Variants in MGMT observed in about 807,000 individuals in gnomAD.
MGMT encodes O-6-methylguanine-DNA methyltransferase.
MGMT carries 14 observed loss-of-function variants against 15.9 expected under a neutral mutation model. The ratio of observed to expected loss-of-function variants is 0.88; its 90% CI spans 0.58 to 1.37. MGMT has a LOEUF of 1.37. Ranked by LOEUF, MGMT falls within the 40% of genes most tolerant of loss-of-function variation. MGMT has a pLI of 0.00. For synonymous variants in MGMT, 130 were observed against 118.2 expected (o/e 1.10, Z -0.65); for missense variants, 282 against 268.1 (o/e 1.05, Z -0.36).
chr10:129,469,527 G>C (rs1845206708), intron 1 of MGMT, among the ~76,000 whole-genome samples: 1 of 152,044 alleles, frequency 6.6e-6, no homozygotes. Flanking sequence ...TGAGATTTTT[G>C]ACTTCCGTTT....
At chr10:129,591,736 C>T (rs1241913926) in intron 2 of MGMT, among the ~76,000 whole-genome samples, 1 of 152,142 alleles carries the variant, frequency 6.6e-6, no homozygotes, top group African/African-American at 2.4e-5. Flanking sequence ...TCGAGACCAG[C>T]CTGGCCAACA....
intron 2 of MGMT, among the ~76,000 whole-genome samples, chr10:129,554,260 A>T (rs779341265): frequency 2.0e-5 from 3 of 152,236 alleles, no homozygotes; most frequent in Non-Finnish European, 4.4e-5. Context: ...TTTAGCAAAT[A>T]CAGAAAGTAC....
chr10:129,553,218 A>G (rs973809475), intron 2 of MGMT, among the ~76,000 whole-genome samples: 4 of 152,162 alleles, frequency 2.6e-5, no homozygotes, highest in Non-Finnish European at 5.9e-5. Flanking sequence ...TCTTTGGGAG[A>G]CTAGTATAAT....
intron 1 of MGMT, among the ~76,000 whole-genome samples, chr10:129,522,653 A>G (rs945864843): frequency 1.3e-5 from 2 of 152,224 alleles, no homozygotes; most frequent in Admixed American, 1.3e-4. Flanking sequence ...TGTATTAACC[A>G]TGGCTTTCTT....
chr10:129,648,226 C>T (rs2133095510), intron 2 of MGMT, among the ~76,000 whole-genome samples: 1 of 152,224 alleles, frequency 6.6e-6, no homozygotes, highest in South Asian at 2.1e-4. Context: ...CCGCGAACTC[C>T]AGTCTGTAGA....
chr10:129,682,670 A>G lies in MGMT; in HGVS notation c.126-25225A>G, dbSNP rs534774665. 3.3e-3 allele frequency among the ~76,000 whole-genome samples: 497 copies of G among 152,340 alleles called. 2 individuals carry two copies. The highest frequency in any genetic ancestry group is 0.011 in the African/African-American group (465 of 41,578). Reference sequence around the variant, plus strand: ...TGTTTGTAAAAACTGGTGACATCAAATAAGATAGGTAGTTTAGTTAGATGT... The same window carrying G: ...TGTTTGTAAAAACTGGTGACATCAAGTAAGATAGGTAGTTTAGTTAGATGT... On this transcript the variant is annotated intron_variant, in intron 2 of 4. Coordinates refer to ENST00000651593, the MANE Select transcript of MGMT (RefSeq NM_002412.5).
intron 2 of MGMT, among the ~76,000 whole-genome samples, chr10:129,654,218 G>A (rs1353499029): frequency 6.6e-6 from 1 of 152,154 alleles, no homozygotes; most frequent in African/African-American, 2.4e-5. Context: ...CGAGAAGACG[G>A]CAAGACCTCA....
chr10:129,689,785 G>A (rs907001511), intron 2 of MGMT, among the ~76,000 whole-genome samples: 3 of 152,220 alleles, frequency 2.0e-5, no homozygotes, highest in South Asian at 2.1e-4. Flanking sequence ...GCTCTGAATT[G>A]CCTCATGCTG....
chr10:129,565,974 G>A (rs967003277), intron 2 of MGMT, among the ~76,000 whole-genome samples: 6 of 152,088 alleles, frequency 3.9e-5, no homozygotes, highest in East Asian at 1.9e-4. Context: ...GATTCCTGCC[G>A]GGGCCCCAGG....
chr10:129,629,512 G>A (rs4750757), intron 2 of MGMT, among the ~76,000 whole-genome samples: 37,142 of 152,070 alleles, frequency 0.24, 4,800 homozygotes, highest in Non-Finnish European at 0.27. Context: ...CGTGGGATGG[G>A]GTCTTAGCTC....
At chr10:129,652,482 T>C (rs1208713121) in intron 2 of MGMT, among the ~76,000 whole-genome samples, 1 of 152,232 alleles carries the variant, frequency 6.6e-6, no homozygotes, top group Non-Finnish European at 1.5e-5. Context: ...CATTCTAGTA[T>C]GTGCGTGCGC....
At chr10:129,662,282 A>T (rs910658942) in intron 2 of MGMT, among the ~76,000 whole-genome samples, 8 of 152,128 alleles carry the variant, frequency 5.3e-5, no homozygotes, top group African/African-American at 1.9e-4. Context: ...CAGACCAGGA[A>T]GTGGAAGATT....
chr10:129,570,572 G>T (rs994092643), intron 2 of MGMT, among the ~76,000 whole-genome samples: 6 of 152,258 alleles, frequency 3.9e-5, no homozygotes, highest in Admixed American at 2.6e-4. Flanking sequence ...TGAAAATACT[G>T]CCATGAAAAT....
intron 2 of MGMT, among the ~76,000 whole-genome samples, chr10:129,682,553 T>C (rs1296833303): frequency 1.3e-5 from 2 of 152,120 alleles, no homozygotes; most frequent in Non-Finnish European, 2.9e-5. Context: ...TCTGGGGTTT[T>C]GTGCATGTAA....
At chr10:129,573,218 C>T (rs1846440219) in intron 2 of MGMT, among the ~76,000 whole-genome samples, 1 of 152,048 alleles carries the variant, frequency 6.6e-6, no homozygotes, top group South Asian at 2.1e-4. Context: ...TAAAGAAAGA[C>T]CATCATTTCT....
At chr10:129,660,221 C>T (rs1375234125) in intron 2 of MGMT, among the ~76,000 whole-genome samples, 1 of 152,078 alleles carries the variant, frequency 6.6e-6, no homozygotes, top group Non-Finnish European at 1.5e-5. Flanking sequence ...TCCCAGAACA[C>T]GTGCTGGTGT....
intron 2 of MGMT, among the ~76,000 whole-genome samples, chr10:129,609,084 G>C (rs969559289): frequency 6.6e-6 from 1 of 152,196 alleles, no homozygotes; most frequent in Non-Finnish European, 1.5e-5. Context: ...GGGCTCAGTG[G>C]CTTGAACAGG....
intron 2 of MGMT, among the ~76,000 whole-genome samples, chr10:129,704,213 G>A (rs568379669): frequency 5.9e-5 from 9 of 152,100 alleles, no homozygotes; most frequent in South Asian, 2.1e-4. Context: ...TCTCCTTTCC[G>A]TGGCCAGACC....
chr10:129,727,374 A>C (rs1302910958), intron 3 of MGMT, among the ~76,000 whole-genome samples: 2 of 152,202 alleles, frequency 1.3e-5, no homozygotes, highest in African/African-American at 2.4e-5. Flanking sequence ...GCCCTGTTGG[A>C]AATAGATCCT....
Sources: gnomAD v4.1 joint callset for allele counts (sites outside exome capture counted in the v4.1 genomes callset) on GRCh38, gnomAD v4.1.1 for gene constraint, MANE v1.5 for transcripts, NCBI Gene and HGNC (gene_info 2026-07-23, HGNC 2026-07-21) for gene names.